BMPR1A: variants seen among roughly 807,000 people sequenced by gnomAD.
BMPR1A encodes bone morphogenetic protein receptor type-1A.
A neutral mutation model predicts 66.0 loss-of-function variants in BMPR1A; 7 were observed. The observed-to-expected ratio is 0.11, with a 90% confidence interval of 0.06 to 0.20. BMPR1A has a LOEUF of 0.20. Ranked by LOEUF, BMPR1A falls within the 10% of genes least tolerant of loss-of-function variation. The pLI, the probability that BMPR1A is intolerant of heterozygous loss-of-function variation, is 1.00. For synonymous variants in BMPR1A, 200 were observed against 229.7 expected (o/e 0.87, Z 1.17); for missense variants, 408 against 669.1 (o/e 0.61, Z 4.31).
At chr10:86,871,022 A>G (rs923771001) in intron 2 of BMPR1A, among the ~76,000 whole-genome samples, 24 of 151,776 alleles carry the variant, frequency 1.6e-4, no homozygotes, top group Non-Finnish European at 1.5e-5. Context: ...CTCCCACTAC[A>G]CTATCTCTTA....
downstream of BMPR1A, chr10:86,929,322 A>G (rs1589295675): frequency 1.3e-5 from 2 of 152,204 alleles, no homozygotes; most frequent in East Asian, 3.9e-4. Flanking sequence ...GAGCGATGGG[A>G]TGCATTTACC....
intron 2 of BMPR1A, among the ~76,000 whole-genome samples, chr10:86,843,666 G>A (rs1170274175): frequency 6.6e-6 from 1 of 152,204 alleles, no homozygotes; most frequent in African/African-American, 2.4e-5. Flanking sequence ...TGAAAGATGA[G>A]TAAAATTTAG....
chr10:86,777,316 T>A (rs1841366926), intron 1 of BMPR1A, among the ~76,000 whole-genome samples: 1 of 152,204 alleles, frequency 6.6e-6, no homozygotes, highest in African/African-American at 2.4e-5. Flanking sequence ...CGGTGGCTCA[T>A]GCCTGTAATC....
At position 86,925,245 on chromosome 10, in the gene BMPR1A, T is replaced by C. The variant is rs1843723787; in HGVS notation, c.*1526T>C. 1 of 226,546 alleles carries C rather than the reference T, an allele frequency of 4.4e-6. No individual in the cohort carries two copies. Among genetic ancestry groups the C allele is most frequent in the Admixed American group, 5.7e-5 (1 of 17,600 alleles). 14.0% of individuals were successfully genotyped at this position (226,546 alleles called of 1,614,324 possible). ...TAAACTTATACTTCTTTAATGCTTT[T>C]TAAATATTTATTCTGAGCAAACAAT... On this transcript the variant is annotated 3_prime_UTR_variant, in exon 13 of 13. Transcript: ENST00000372037.
intron 7 of BMPR1A, among the ~76,000 whole-genome samples, chr10:86,911,275 A>C (rs1013282940): frequency 1.4e-4 from 22 of 152,260 alleles, no homozygotes; most frequent in African/African-American, 5.1e-4. Context: ...ATTTGTCTAC[A>C]CTAAAATTTA....
intron 10 of BMPR1A, 34 bp from the exon 11 acceptor site, chr10:86,921,486 C>A (rs2133605225): frequency 6.2e-7 from 1 of 1,612,764 alleles, no homozygotes; most frequent in South Asian, 1.1e-5. Context: ...TATTTTTGGC[C>A]CTCAACTTGG....
chr10:86,931,845 C>G (rs920228489), downstream of BMPR1A: 3 of 151,762 alleles, frequency 2.0e-5, no homozygotes, highest in African/African-American at 7.3e-5. Flanking sequence ...TTTTTTCTTT[C>G]TTTTCCTTTT....
chr10:86,856,871 TTAAC>T (rs1430376636), intron 2 of BMPR1A, among the ~76,000 whole-genome samples: 5 of 152,334 alleles, frequency 3.3e-5, no homozygotes, highest in African/African-American at 9.6e-5. Flanking sequence ...AATTTATAAA[TTAAC>T]TGACTGAACT....
At chr10:86,842,475 GGA>G (rs1004336859) in intron 2 of BMPR1A, among the ~76,000 whole-genome samples, 18 of 152,216 alleles carry the variant, frequency 1.2e-4, no homozygotes, top group African/African-American at 2.9e-4. Flanking sequence ...ATTTAGAATA[GGA>G]GAGAGAGTTT....
intron 2 of BMPR1A, among the ~76,000 whole-genome samples, chr10:86,866,382 G>A (rs1842785061): frequency 7.6e-6 from 1 of 131,404 alleles, no homozygotes; most frequent in Non-Finnish European, 1.6e-5. Context: ...GTTGTGTTAA[G>A]TTGGGCAAGT....
At chr10:86,861,052 A>G (rs1842706199) in intron 2 of BMPR1A, among the ~76,000 whole-genome samples, 1 of 151,968 alleles carries the variant, frequency 6.6e-6, no homozygotes, top group African/African-American at 2.4e-5. Context: ...CATGTTAGCC[A>G]GGATGGTCTC....
At chr10:86,791,281 C>T (rs1328770241) in intron 1 of BMPR1A, among the ~76,000 whole-genome samples, 4 of 149,842 alleles carry the variant, frequency 2.7e-5, no homozygotes, top group African/African-American at 9.8e-5. Context: ...GGTGCGATCT[C>T]GGCTCACTGC....
chr10:86,917,303 T>C lies in BMPR1A; in HGVS notation c.845T>C (p.Leu282Pro), dbSNP rs1386615932. The change falls in exon 9 of 13, where the codon CTA becomes CCA. Residue 282 changes from leucine (L) to proline (P), a missense_variant. By Grantham distance (98) the Leu-to-Pro change is moderately conservative. Coordinates refer to ENST00000372037, the MANE Select transcript of BMPR1A (RefSeq NM_004329.3). Reference protein sequence around the residue: ...FRETEIYQTVLMRHENILGFI... With the variant: ...FRETEIYQTVPMRHENILGFI... ...GAAACAGAAATCTACCAAACTGTGCTAATGCGCCATGAAAACATACTTGGT... is the reference window on the plus strand; with the variant it reads ...GAAACAGAAATCTACCAAACTGTGCCAATGCGCCATGAAAACATACTTGGT... 6 of 1,614,050 alleles carry C rather than the reference T, an allele frequency of 3.7e-6. No individual in the cohort carries two copies.
rs574118547 is a variant in BMPR1A, at chr10:86,821,793, C to G, written c.-267-17072C>G. Among the ~76,000 whole-genome samples, 8 of 152,106 alleles carry G rather than the reference C, an allele frequency of 5.3e-5. No individual in the cohort carries two copies. In the East Asian group the frequency reaches 1.5e-3, roughly 29 times the overall value. ...TTTCTTTTTTCTCCCCCCTCCCCCTCTCTTCTCCTTCCTCCCTCCTTTTGT... is the reference window on the plus strand; with the variant it reads ...TTTCTTTTTTCTCCCCCCTCCCCCTGTCTTCTCCTTCCTCCCTCCTTTTGT... On this transcript the variant is annotated intron_variant, in intron 1 of 12. Transcript: ENST00000372037.
chr10:86,835,980 T>C (rs1394116187), intron 1 of BMPR1A, among the ~76,000 whole-genome samples: 1 of 152,242 alleles, frequency 6.6e-6, no homozygotes, highest in African/African-American at 2.4e-5. Flanking sequence ...TTTTCATTTT[T>C]CCATGTCATT....
chr10:86,887,678 T>C (rs1843085073), intron 3 of BMPR1A, among the ~76,000 whole-genome samples: 1 of 152,202 alleles, frequency 6.6e-6, no homozygotes, highest in Non-Finnish European at 1.5e-5. Flanking sequence ...TAAACTGCTT[T>C]TTCTGTGTCA....
At chr10:86,824,136 C>T (rs899708879) in intron 1 of BMPR1A, among the ~76,000 whole-genome samples, 8 of 89,078 alleles carry the variant, frequency 9.0e-5, no homozygotes, top group Admixed American at 5.0e-4. Flanking sequence ...ACTTGTCTGT[C>T]GATAATAGAA....
intron 1 of BMPR1A, among the ~76,000 whole-genome samples, chr10:86,776,533 T>C (rs1841350438): frequency 1.3e-5 from 2 of 152,132 alleles, no homozygotes; most frequent in African/African-American, 4.8e-5. Context: ...AGGACACTGA[T>C]TGTTTTTTGT....
chr10:86,911,654 G>T (rs546321178), intron 7 of BMPR1A, among the ~76,000 whole-genome samples: 1 of 152,274 alleles, frequency 6.6e-6, no homozygotes, highest in South Asian at 2.1e-4. Flanking sequence ...GGAGGCTGAG[G>T]TGGGAGGATC....
Sources: allele counts gnomAD v4.1 joint callset (sites outside exome capture counted in the v4.1 genomes callset), GRCh38; gene constraint gnomAD v4.1.1; transcripts MANE v1.5; gene names NCBI Gene and HGNC (gene_info 2026-07-23, HGNC 2026-07-21).